MMD2: variants seen among roughly 807,000 people sequenced by gnomAD.
MMD2 encodes monocyte to macrophage differentiation factor 2.
Under a neutral mutation model 33.5 loss-of-function variants are expected in MMD2, and 30 were observed. The ratio of observed to expected loss-of-function variants is 0.90; its 90% CI spans 0.67 to 1.22. MMD2 has a LOEUF of 1.22. MMD2 is among the 50% of genes most tolerant of loss of function. The probability of loss-of-function intolerance (pLI) is 0.00; values close to 1 mark genes in which losing one functional copy is unlikely to be tolerated. For synonymous variants in MMD2, 129 were observed against 123.0 expected (o/e 1.05, Z -0.32); for missense variants, 364 against 325.4 (o/e 1.12, Z -0.91).
chr7:4,911,413 G>C (rs1385248340), intron 4 of MMD2, among the ~76,000 whole-genome samples, 167 bp from the exon 5 acceptor site: 2 of 152,142 alleles, frequency 1.3e-5, no homozygotes, highest in African/African-American at 4.8e-5. Flanking sequence ...AGGCAGAAAG[G>C]GTGCTAGATA....
chr7:4,949,659 C>T (rs1471971682), intron 1 of MMD2, among the ~76,000 whole-genome samples: 2 of 151,738 alleles, frequency 1.3e-5, no homozygotes, highest in Non-Finnish European at 2.9e-5. Context: ...CTACAGGCAC[C>T]CGCCACCACA....
rs1373227456 is a variant in MMD2 at position 4,907,022 on chromosome 7, A to C, written c.*374T>G. 8.0e-6 allele frequency: 2 copies of C among 248,584 alleles called. No homozygotes were observed. Among genetic ancestry groups the C allele is most frequent in the African/African-American group, 4.5e-5 (2 of 44,448 alleles). The allele number at this position is 248,584 out of a possible 1,614,324, so 15.4% of individuals were successfully genotyped here. A position where few individuals can be genotyped will look rare whatever the true frequency, so the allele number is the denominator to read the frequency against. ...AGAGGGAGGCCCTGGCCACCCAGGT[A>C]TAAACAACCCACAGGACTCTTTGCC... On this transcript the variant is annotated 3_prime_UTR_variant, in exon 7 of 7. Transcript: ENST00000401401.
chr7:4,943,004 CTTTTTTTTT>C lies in MMD2; in HGVS notation c.47+15958_47+15966del, dbSNP rs33983457. ...ACACTTCAGGAGGTCCTGCCCTTTT[CTTTTTTTTT>C]TTTTTTTTTTTTTTGAGACAGAGTC... On this transcript the variant is annotated intron_variant, in intron 1 of 6. Transcript: ENST00000401401. 3.5e-3 allele frequency among the ~76,000 whole-genome samples: 301 copies of C among 85,692 alleles called. 1 individual carries two copies. Among genetic ancestry groups the C allele is most frequent in the African/African-American group, 0.013 (290 of 23,164 alleles). 56.2% of individuals were successfully genotyped at this position (85,692 alleles called of 152,430 possible).
At chr7:4,945,185 T>TTCTTCTTC (rs1554273338) in intron 1 of MMD2, among the ~76,000 whole-genome samples, 1,300 of 93,534 alleles carry the variant, frequency 0.014, 30 homozygotes, top group Admixed American at 0.031. Context: ...CCTCTTCCTC[T>TTCTTCTTC]TTCTTCTTCT....
chr7:4,916,931 G>C (rs1472986180), intron 3 of MMD2, among the ~76,000 whole-genome samples: 1 of 152,018 alleles, frequency 6.6e-6, no homozygotes. Context: ...GATCAGCCAG[G>C]CATAATTGTG....
intron 6 of MMD2, chr7:4,909,622 A>G (rs1226993189): frequency 3.1e-6 from 2 of 637,418 alleles, no homozygotes; most frequent in Non-Finnish European, 5.6e-6. Context: ...TTTTTTTTAG[A>G]GATGGGTCTT....
chr7:4,924,076 C>A (rs1217859803), intron 2 of MMD2, among the ~76,000 whole-genome samples: 2 of 152,156 alleles, frequency 1.3e-5, no homozygotes, highest in African/African-American at 4.8e-5. Context: ...CCTGTAGTCC[C>A]AGCTACTCGG....
At chr7:4,941,657 T>A (rs901199635) in intron 1 of MMD2, among the ~76,000 whole-genome samples, 2 of 151,394 alleles carry the variant, frequency 1.3e-5, no homozygotes, top group South Asian at 4.2e-4. Context: ...ACACTTTTTT[T>A]AAACAGTGGA....
At position 4,945,224 on chromosome 7, in the gene MMD2, C is replaced by CTTCTTCTTCTTCTTT. The variant is rs1210558281; in HGVS notation, c.47+13746_47+13747insAAAGAAGAAGAAGAA. On this transcript the variant is annotated intron_variant, in intron 1 of 6. Coordinates refer to ENST00000401401, the MANE Select transcript of MMD2 (RefSeq NM_198403.4). ...TCTTCTTCTTCTTCTTCTTCTTCTT[C>CTTCTTCTTCTTCTTT]TTCTTCTTCTTCTTCCTCTCTCTCT... is the stretch of plus-strand genomic sequence containing the variant. Among the ~76,000 whole-genome samples, 7 of 144,812 alleles carry CTTCTTCTTCTTCTTT rather than the reference C, an allele frequency of 4.8e-5. No homozygotes were observed. In the Admixed American group the frequency reaches 5.1e-4, roughly 10 times the overall value.
At chr7:4,903,532 G>A (rs990936511), downstream of MMD2, among the ~76,000 whole-genome samples, 1 of 152,240 alleles carries the variant, frequency 6.6e-6, no homozygotes, top group African/African-American at 2.4e-5. Context: ...CTGTGATGCT[G>A]ACTCAAATCC....
rs1339449805 is a variant in MMD2 at position 4,959,138 on chromosome 7, G to C, written c.-121C>G. On this transcript the variant is annotated 5_prime_UTR_variant, in exon 1 of 7. Transcript: ENST00000401401. ...GCGCGGCGGGGGCCAAGGGGACCTG[G>C]TCGGCGCCCGGAGCCGGAGCCGGAG... The C allele has an allele frequency of 2.5e-6, 2 of 794,602 alleles. No individual in the cohort carries two copies. Among genetic ancestry groups the C allele is most frequent in the African/African-American group, 1.8e-5 (1 of 54,868 alleles). 49.2% of individuals were successfully genotyped at this position (794,602 alleles called of 1,614,324 possible). A position where few individuals can be genotyped will look rare whatever the true frequency, so the allele number is the denominator to read the frequency against.
chr7:4,912,165 C>A (rs1785030673), intron 4 of MMD2, among the ~76,000 whole-genome samples: 1 of 151,874 alleles, frequency 6.6e-6, no homozygotes, highest in Admixed American at 6.6e-5. Flanking sequence ...ACTGTTTTTA[C>A]CAACATAGAT....
chr7:4,939,726 ATTTC>A (rs1320778057), intron 1 of MMD2, among the ~76,000 whole-genome samples: 2 of 148,058 alleles, frequency 1.4e-5, no homozygotes, highest in Non-Finnish European at 3.0e-5. Flanking sequence ...CTTCCAATCT[ATTTC>A]TTTCTTTCTT....
the MMD2 span, among the ~76,000 whole-genome samples, chr7:4,892,617 A>AATAAATAAATAAATCT: frequency 5.2e-3 from 774 of 149,208 alleles, 6 homozygotes; most frequent in African/African-American, 0.019. Flanking sequence ...TAAATAAATA[A>AATAAATAAATAAATCT]ATCTGAAAAA....
intron 2 of MMD2, among the ~76,000 whole-genome samples, chr7:4,924,178 C>G (rs561710718): frequency 2.0e-5 from 3 of 152,076 alleles, no homozygotes; most frequent in African/African-American, 7.2e-5. Flanking sequence ...GGGAACAGAG[C>G]GAGACTTCGT....
chr7:4,957,864 C>T (rs1452171018), intron 1 of MMD2, among the ~76,000 whole-genome samples: 1 of 152,184 alleles, frequency 6.6e-6, no homozygotes, highest in Non-Finnish European at 1.5e-5. Context: ...GCCTTCCCTA[C>T]CCTGGACACC....
chr7:4,940,036 C>A lies in MMD2; in HGVS notation c.48-14504G>T, dbSNP rs1480260050. 8.5e-5 allele frequency among the ~76,000 whole-genome samples: 13 copies of A among 152,210 alleles called. No individual in the cohort carries two copies. Among genetic ancestry groups the A allele is most frequent in the Non-Finnish European group, 8.8e-5 (6 of 68,052 alleles). ...GCATTACAGGCGTGAGCCACCGCAC[C>A]TGGCCCAATCTATTTCTATAAATTT... On this transcript the variant is annotated intron_variant, in intron 1 of 6. Coordinates refer to ENST00000401401, the MANE Select transcript of MMD2 (RefSeq NM_198403.4). This position sits in a 1 kb window ranked among gnomAD's most constrained non-coding sequence, Gnocchi z 5.0.
rs1356824646 is a variant in MMD2, at chr7:4,906,472, G to A, written c.*924C>T. ...ACAAACCTTAAGTATGGAGCAGGGA[G>A]CAAGTGCCTGGGGGCTGTTTGCCCC... On this transcript the variant is annotated 3_prime_UTR_variant, in exon 7 of 7. Coordinates refer to ENST00000401401, the MANE Select transcript of MMD2 (RefSeq NM_198403.4). 5.0e-6 allele frequency: 2 copies of A among 398,546 alleles called. No individual in the cohort carries two copies. Among genetic ancestry groups the A allele is most frequent in the South Asian group, 1.3e-4 (1 of 7,864 alleles). The allele number at this position is 398,546 out of a possible 1,614,324, so 24.7% of individuals were successfully genotyped here.
intron 1 of MMD2, among the ~76,000 whole-genome samples, chr7:4,950,092 T>C (rs1488126508): frequency 2.0e-5 from 3 of 151,918 alleles, no homozygotes; most frequent in Non-Finnish European, 4.4e-5. Context: ...TGTGTGTGTG[T>C]GTGTGTGTGT....
Sources: allele counts gnomAD v4.1 joint callset (sites outside exome capture counted in the v4.1 genomes callset), GRCh38; gene constraint gnomAD v4.1.1; non-coding constraint Gnocchi (gnomAD v3.1); transcripts MANE v1.5; gene names NCBI Gene and HGNC (gene_info 2026-07-23, HGNC 2026-07-21).